Variants in SLC38A10 observed in about 807,000 individuals in gnomAD.
SLC38A10 encodes the protein solute carrier family 38 member 10, also known as Sodium-coupled neutral amino acid transporter 10.
SLC38A10 carries 53 observed loss-of-function variants against 81.0 expected under a neutral mutation model. The observed-to-expected ratio is 0.65, with a 90% CI of 0.53 to 0.82. The LOEUF (loss-of-function observed/expected upper bound fraction) is 0.82, where lower values mean the gene tolerates loss of function less well. Ranked by LOEUF, SLC38A10 falls within the 40% of genes least tolerant of loss-of-function variation. The pLI is 0.00. For synonymous variants in SLC38A10, 665 were observed against 655.3 expected, an observed-to-expected ratio of 1.01 and a Z score of -0.23; for missense variants, 1,471 against 1,545.0, an observed-to-expected ratio of 0.95 and a Z score of 0.80.
Position 81,284,752 on chromosome 17 carries a change from A to C in SLC38A10, c.263+98T>G, listed in dbSNP as rs370910498. ...GCGACTCTTCAGAAACCTAAGTTAC[A>C]GGTGAATCTGGGGATGAAACTGCCG... is the stretch of plus-strand genomic sequence containing the variant. On this transcript the variant is annotated intron_variant, in intron 3 of 15. Transcript: ENST00000374759. 31 of 894,778 alleles carry C rather than the reference A, an allele frequency of 3.5e-5. No individual in the cohort carries two copies. The East Asian group carries it at 6.6e-4, about 19-fold the overall frequency. 55.4% of individuals were successfully genotyped at this position (894,778 alleles called of 1,614,324 possible). A position where few individuals can be genotyped will look rare whatever the true frequency, so the allele number is the denominator to read the frequency against.
rs2063286561 is a variant in SLC38A10 at position 81,288,568 on chromosome 17, G to A, written c.217+1123C>T. ...GGGCCACACAGCCTGTGGGCAGACG[G>A]GAAGGTGAGGGATGGCGCCCTCGAA... On this transcript the variant is annotated intron_variant, in intron 2 of 15. Transcript: ENST00000374759. This position sits in a 1 kb window ranked among gnomAD's most constrained non-coding sequence, Gnocchi z 5.4. Among the ~76,000 whole-genome samples the A allele has an allele frequency of 6.6e-6, 1 of 152,220 alleles. No individual in the cohort carries two copies. The highest frequency in any genetic ancestry group is 1.5e-5 in the Non-Finnish European group (1 of 68,040).
intron 6 of SLC38A10, among the ~76,000 whole-genome samples, chr17:81,279,470 C>T (rs1268401898): frequency 3.9e-5 from 6 of 152,090 alleles, no homozygotes; most frequent in East Asian, 3.9e-4. Context: ...GAGGTCAGCA[C>T]GGCGGCCGGC....
intron 10 of SLC38A10, among the ~76,000 whole-genome samples, chr17:81,267,534 T>A (rs929361165): frequency 1.3e-5 from 2 of 152,026 alleles, no homozygotes; most frequent in African/African-American, 4.8e-5. Flanking sequence ...ACAGAACAGA[T>A]GTTTTTTCTA....
At position 81,295,003 on chromosome 17, in the gene SLC38A10, A is replaced by G; in HGVS notation, c.-82T>C. On this transcript the variant is annotated 5_prime_UTR_variant, in exon 1 of 16. Coordinates refer to ENST00000374759, the MANE Select transcript of SLC38A10 (RefSeq NM_001037984.3). ...GGCTTTGGAAGCCCAGCCCGAGGCC[A>G]CGGTCACAGGTCCCAACGTCCGGGA... The G allele has an allele frequency of 6.8e-7, 1 of 1,468,204 alleles. No homozygotes were observed. Among genetic ancestry groups the G allele is most frequent in the Non-Finnish European group, 9.0e-7 (1 of 1,105,942 alleles). The allele number at this position is 1,468,204 out of a possible 1,614,324, so 90.9% of individuals were successfully genotyped here. A position where few individuals can be genotyped will look rare whatever the true frequency, so the allele number is the denominator to read the frequency against.
Position 81,246,134 on chromosome 17 carries a change from G to A in SLC38A10, c.2782C>T (p.Pro928Ser), listed in dbSNP as rs774261886. ...GAETGDPRMKPKQVSRDLGLA... is the reference protein window; with the variant it reads ...GAETGDPRMKSKQVSRDLGLA... The stretch of plus-strand genomic sequence containing the variant: ...CCCAGGTCTCGGCTCACTTGCTTGG[G>A]CTTCATGCGAGGGTCCCCCGTCTCT... The change falls in exon 16 of 16, where the codon CCC becomes TCC. Residue 928 changes from proline (P) to serine (S), a missense_variant. Around this residue, in one of 2 missense-constraint regions of SLC38A10, gnomAD observed 751 missense variants for 717.4 expected, o/e 1.05. Coordinates refer to ENST00000374759, the MANE Select transcript of SLC38A10 (RefSeq NM_001037984.3). 3 of 1,609,992 alleles carry A rather than the reference G, an allele frequency of 1.9e-6. No individual in the cohort carries two copies. The Admixed American group carries it at 5.0e-5, about 27-fold the overall frequency.
rs1038017501 is a variant in SLC38A10 at position 81,246,347 on chromosome 17, G to A, written c.2569C>T (p.Gln857Ter). ...TVKELPKGPE[Q>*]VPVPDPAREA... ...CTGGCGGGGTCTGGCACGGGCACCT[G>A]CTCCGGGCCCTTGGGGAGCTCCTTC... The change falls in exon 16 of 16, where the codon CAG becomes TAG. Residue 857 changes from glutamine to a stop codon, truncating the protein, a stop_gained. Transcript: ENST00000374759. LOFTEE classifies it low-confidence loss of function (END_TRUNC). 1.9e-6 allele frequency: 3 copies of A among 1,606,584 alleles called. No individual in the cohort carries two copies. The highest frequency in any genetic ancestry group is 2.5e-6 in the Non-Finnish European group (3 of 1,179,044).
intron 1 of SLC38A10, among the ~76,000 whole-genome samples, chr17:81,291,472 G>C (rs1273605282): frequency 7.1e-6 from 1 of 140,524 alleles, no homozygotes; most frequent in Non-Finnish European, 1.5e-5. Flanking sequence ...GGGTGACAGA[G>C]TAAGACTCCA....
chr17:81,256,579 C>T (rs990305090), intron 11 of SLC38A10, among the ~76,000 whole-genome samples: 3 of 152,224 alleles, frequency 2.0e-5, no homozygotes, highest in African/African-American at 7.2e-5. Context: ...GACGGAGTGC[C>T]TCATCCACTC....
At position 81,245,874 on chromosome 17, in the gene SLC38A10, C is replaced by T. The variant is rs746512842; in HGVS notation, c.3042G>A (p.Gln1014=). The T allele has an allele frequency of 3.7e-6, 6 of 1,612,196 alleles. No individual in the cohort carries two copies. The African/African-American group carries it at 6.7e-5, about 18-fold the overall frequency. Reference sequence around the variant, plus strand: ...TGAGCCCCAGCTCTGGCTCTGGCCTCTGCCTGGGCTCCTGGACAGCAGCGT... The same window carrying T: ...TGAGCCCCAGCTCTGGCTCTGGCCTTTGCCTGGGCTCCTGGACAGCAGCGT... ...GEDAAVQEPR[Q]RPEPELGLKR... Residue 1014 remains glutamine (Q), a synonymous_variant, in exon 16 of 16, where the codon CAG becomes CAA. Coordinates refer to ENST00000374759, the MANE Select transcript of SLC38A10 (RefSeq NM_001037984.3).
chr17:81,247,850 AAAAAG>A (rs1192901859), intron 14 of SLC38A10, among the ~76,000 whole-genome samples: 2 of 152,038 alleles, frequency 1.3e-5, no homozygotes, highest in African/African-American at 4.8e-5. Context: ...CAAAAAAGAA[AAAAAG>A]AAAAGAAAAA....
In SLC38A10 at chr17:81,294,954, C is replaced by T. The variant is rs1200733123; in HGVS notation, c.-33G>A. The T allele has an allele frequency of 1.9e-6, 3 of 1,545,748 alleles. No homozygotes were observed. The highest frequency in any genetic ancestry group is 2.6e-5 in the East Asian group (1 of 39,044). ...GGTCTAGGGGCCCGGGGCGAGAGGC[C>T]TCGGGGGTCGCCGGGCTGCGGCCGG... On this transcript the variant is annotated 5_prime_UTR_variant, in exon 1 of 16. Coordinates refer to ENST00000374759, the MANE Select transcript of SLC38A10 (RefSeq NM_001037984.3).
At chr17:81,259,459 C>A (rs919585928) in intron 11 of SLC38A10, among the ~76,000 whole-genome samples, 1 of 152,212 alleles carries the variant, frequency 6.6e-6, no homozygotes, top group Admixed American at 6.5e-5. Context: ...CACCTACCTG[C>A]CCATCCCTGC....
Position 81,282,286 on chromosome 17 carries a change from C to A in SLC38A10, c.404G>T (p.Cys135Phe). ...RMFLLFAVSL[C>F]IVLPLSLQRN... ...CTGCAGGCTGAGCGGGAGCACGATG[C>A]ACAGCGACACGGCGAACAGCAGGAA... Residue 135 changes from cysteine to phenylalanine, a missense_variant, in exon 5 of 16, where the codon TGC becomes TTC. Transcript: ENST00000374759. 6.2e-7 allele frequency: 1 copy of A among 1,613,408 alleles called. No homozygotes were observed. The highest frequency in any genetic ancestry group is 1.1e-5 in the South Asian group (1 of 91,084).
At chr17:81,273,175 T>C (rs1409582049) in intron 8 of SLC38A10, among the ~76,000 whole-genome samples, 1 of 152,246 alleles carries the variant, frequency 6.6e-6, no homozygotes, top group East Asian at 1.9e-4. Flanking sequence ...TAATTTCAAG[T>C]GCCTGTTTTG....
chr17:81,280,619 C>A lies in SLC38A10; in HGVS notation c.616G>T (p.Ala206Ser), dbSNP rs200989047. ...RCIPIFGMSF[A>S]CQSQVLPTYD... ...CAGCAGGACACTTACGACTGGCAGG[C>A]GAAGGACATGCCGAAGATGGGGATG... Residue 206 changes from alanine to serine, a missense_variant, in exon 6 of 16, where the codon GCC becomes TCC. Ala to Ser is a moderately conservative substitution (Grantham distance 99, BLOSUM62 1). Transcript: ENST00000374759. The A allele has an allele frequency of 6.2e-7, 1 of 1,601,368 alleles. No homozygotes were observed. Among genetic ancestry groups the A allele is most frequent in the South Asian group, 1.1e-5 (1 of 89,620 alleles).
intron 14 of SLC38A10, chr17:81,251,281 G>T (rs757180698): frequency 1.2e-6 from 2 of 1,607,658 alleles, no homozygotes; most frequent in African/African-American, 1.4e-5. Context: ...GGTGTTTAAA[G>T]GGGAGTAAGG....
chr17:81,292,688 C>T (rs927047075), intron 1 of SLC38A10, among the ~76,000 whole-genome samples: 3 of 152,172 alleles, frequency 2.0e-5, no homozygotes, highest in African/African-American at 4.8e-5. Context: ...TGCAGATGCC[C>T]GGCTAATCAG....
intron 1 of SLC38A10, among the ~76,000 whole-genome samples, chr17:81,290,804 G>C (rs553276348): frequency 3.3e-5 from 5 of 151,956 alleles, no homozygotes; most frequent in Non-Finnish European, 4.4e-5. Context: ...TCAGGAGATC[G>C]AGACCCTCCT....
At chr17:81,290,492 G>C (rs2063301832) in intron 1 of SLC38A10, among the ~76,000 whole-genome samples, 1 of 152,200 alleles carries the variant, frequency 6.6e-6, no homozygotes, top group African/African-American at 2.4e-5. Flanking sequence ...ATGCTGAGCA[G>C]AGGAAGCTGG....
Sources: gnomAD v4.1 joint callset for allele counts (sites outside exome capture counted in the v4.1 genomes callset) on GRCh38, gnomAD v4.1.1 for gene constraint, gnomAD v4.1.1 regional missense constraint, Gnocchi (gnomAD v3.1) non-coding constraint, MANE v1.5 for transcripts, NCBI Gene and HGNC (gene_info 2026-07-23, HGNC 2026-07-21) for gene names.